DLC1: variants seen among roughly 807,000 people sequenced by gnomAD.
DLC1 encodes the protein DLC1 Rho GTPase activating protein, also known as rho GTPase-activating protein 7.
A neutral mutation model predicts 140.3 loss-of-function variants in DLC1; 54 were observed. The ratio of observed to expected loss-of-function variants is 0.38; its 90% confidence interval spans 0.31 to 0.48. DLC1 has a LOEUF of 0.48. Among genes scored for constraint, DLC1 ranks in the 20% least tolerant of loss-of-function variants. DLC1 has a pLI of 0.96. For missense variants in DLC1, 2,536 were observed against 1,907.0 expected, an observed-to-expected ratio of 1.33 and a Z score of -6.14; for synonymous variants, 986 against 728.1, an observed-to-expected ratio of 1.35 and a Z score of -5.70.
chr8:13,562,302 G>A (rs1162936825), intron 1 of DLC1, among the ~76,000 whole-genome samples: 2 of 152,020 alleles, frequency 1.3e-5, no homozygotes, highest in African/African-American at 2.4e-5. Context: ...ACTGAGAAGA[G>A]CTATTTGGAA....
chr8:13,355,050 CATA>C (rs140149848), intron 4 of DLC1, among the ~76,000 whole-genome samples: 1,523 of 151,948 alleles, frequency 0.01, 21 homozygotes, highest in African/African-American at 0.035. Context: ...GAGTTATAGT[CATA>C]ATCATCTTAC....
chr8:13,249,464 C>T (rs1352134984), intron 5 of DLC1, among the ~76,000 whole-genome samples: 1 of 152,120 alleles, frequency 6.6e-6, no homozygotes, highest in Non-Finnish European at 1.5e-5. Flanking sequence ...AGCTTCCAGG[C>T]ACTCCTTGTC....
intron 5 of DLC1, among the ~76,000 whole-genome samples, chr8:13,274,637 C>T (rs961889323): frequency 7.9e-5 from 12 of 152,198 alleles, no homozygotes; most frequent in Admixed American, 5.2e-4. Flanking sequence ...AACAACTTTC[C>T]AGGGATAACA....
chr8:13,123,388 C>G (rs1263363106), intron 5 of DLC1, among the ~76,000 whole-genome samples: 2 of 151,952 alleles, frequency 1.3e-5, no homozygotes, highest in Non-Finnish European at 2.9e-5. Flanking sequence ...TCTCCCAGGC[C>G]GGAATGCAGT....
chr8:13,305,086 G>A (rs1187433967), intron 5 of DLC1, 183 bp downstream of exon 5: 2 of 1,275,334 alleles, frequency 1.6e-6, no homozygotes, highest in East Asian at 6.1e-5. Flanking sequence ...CATTATGTCA[G>A]AAAACCACGT....
chr8:13,582,164 C>A (rs11780636), intron 1 of DLC1, among the ~76,000 whole-genome samples: 40,193 of 152,040 alleles, frequency 0.26, 6,039 homozygotes, highest in Non-Finnish European at 0.35. Flanking sequence ...CTTTTTCCAA[C>A]GGTTGGGATA....
chr8:13,337,320 A>G (rs1435457894), intron 4 of DLC1, among the ~76,000 whole-genome samples: 1 of 152,230 alleles, frequency 6.6e-6, no homozygotes, highest in Non-Finnish European at 1.5e-5. Flanking sequence ...TTTAAATGAA[A>G]TTACTAATTA....
At position 13,186,079 on chromosome 8, in the gene DLC1, C is replaced by T. The variant is rs567949011; in HGVS notation, c.1349-70422G>A. Among the ~76,000 whole-genome samples, 20 of 151,930 alleles carry T rather than the reference C, an allele frequency of 1.3e-4. No homozygotes were observed. The East Asian group carries it at 1.4e-3, about 10-fold the overall frequency. On this transcript the variant is annotated intron_variant, in intron 5 of 17. Coordinates refer to ENST00000276297, the MANE Select transcript of DLC1 (RefSeq NM_182643.3). ...GACCTTTCTCTCTGGCTGCCCGTAA[C>T]GCTTTTTTCTGCATTTCAACCTTGG...
At chr8:13,587,395 C>G (rs1805359882) in intron 1 of DLC1, among the ~76,000 whole-genome samples, 1 of 151,852 alleles carries the variant, frequency 6.6e-6, no homozygotes. Context: ...ACTTTCCAAA[C>G]AAAGCTCTGT....
intron 1 of DLC1, among the ~76,000 whole-genome samples, chr8:13,537,121 A>G (rs1301834971): frequency 7.3e-6 from 1 of 137,178 alleles, no homozygotes; most frequent in East Asian, 2.1e-4. Flanking sequence ...CCATAACAGT[A>G]CATTAAAAAA....
intron 2 of DLC1, among the ~76,000 whole-genome samples, chr8:13,416,691 G>T (rs995778842): frequency 6.6e-6 from 1 of 152,144 alleles, no homozygotes; most frequent in Admixed American, 6.5e-5. Flanking sequence ...ATAGGGTTTT[G>T]TCATCTTATA....
chr8:13,554,025 T>A (rs2117364220), intron 1 of DLC1, among the ~76,000 whole-genome samples: 1 of 152,168 alleles, frequency 6.6e-6, no homozygotes, highest in East Asian at 1.9e-4. Flanking sequence ...AACACTTCTC[T>A]TGTCATTTCC....
chr8:13,389,819 G>T (rs11992785), intron 4 of DLC1, among the ~76,000 whole-genome samples: 1,848 of 152,178 alleles, frequency 0.012, 35 homozygotes, highest in African/African-American at 0.042. Flanking sequence ...CAAATCAAAG[G>T]TAACCTTAAT....
intron 2 of DLC1, among the ~76,000 whole-genome samples, chr8:13,492,099 A>G (rs1177897296): frequency 6.6e-6 from 1 of 152,178 alleles, no homozygotes; most frequent in Non-Finnish European, 1.5e-5. Flanking sequence ...GAGAGAACTG[A>G]GCAACTAACT....
rs1437769645 is a variant in DLC1, at chr8:13,136,194, AT to A, written c.1349-20538del. Among the ~76,000 whole-genome samples, 126 of 152,286 alleles carry A rather than the reference AT, an allele frequency of 8.3e-4. 1 individual carries two copies. The highest frequency in any genetic ancestry group is 1.0e-4 in the Non-Finnish European group (7 of 68,022). ...TAATATGTTATTTGTTTATGTTATA[AT>A]TTAAACTTTTATTTTAGATTCAGGG... On this transcript the variant is annotated intron_variant, in intron 5 of 17. Coordinates refer to ENST00000276297, the MANE Select transcript of DLC1 (RefSeq NM_182643.3).
At position 13,500,105 on chromosome 8, in the gene DLC1, A is replaced by G. The variant is rs1302292187; in HGVS notation, c.-34T>C. 1 of 1,562,094 alleles carries G rather than the reference A, an allele frequency of 6.4e-7. No homozygotes were observed. Among genetic ancestry groups the G allele is most frequent in the Non-Finnish European group, 8.8e-7 (1 of 1,140,128 alleles). On this transcript the variant is annotated 5_prime_UTR_variant, in exon 2 of 18. Coordinates refer to ENST00000276297, the MANE Select transcript of DLC1 (RefSeq NM_182643.3). ...AGTTTAACAACAGACAGAGAGATAT[A>G]TTCCATATGAGGGTAAAGGAGATGG... is the stretch of plus-strand genomic sequence containing the variant.
chr8:13,224,977 T>A (rs1418122505), intron 5 of DLC1, among the ~76,000 whole-genome samples: 1 of 152,228 alleles, frequency 6.6e-6, no homozygotes, highest in Non-Finnish European at 1.5e-5. Context: ...GCTCAGTCAT[T>A]TTTTTCTTTG....
chr8:13,451,037 CAAAAAAAAAAAA>C (rs1169620786), intron 2 of DLC1, among the ~76,000 whole-genome samples: 32 of 18,374 alleles, frequency 1.7e-3, no homozygotes, highest in Non-Finnish European at 3.3e-3. Context: ...GACTCCGTCT[CAAAAAAAAAAAA>C]AAAAAAAAAA....
At chr8:13,502,809 C>T (rs1278564966) in intron 1 of DLC1, among the ~76,000 whole-genome samples, 1 of 152,104 alleles carries the variant, frequency 6.6e-6, no homozygotes, top group Non-Finnish European at 1.5e-5. Flanking sequence ...AGAATGAGCT[C>T]AGTTGCTGAG....
Sources: allele counts gnomAD v4.1 joint callset (sites outside exome capture counted in the v4.1 genomes callset), GRCh38; gene constraint gnomAD v4.1.1; transcripts MANE v1.5; gene names NCBI Gene and HGNC (gene_info 2026-07-23, HGNC 2026-07-21).